TUBGCP3: variants seen among roughly 807,000 people sequenced by gnomAD.
TUBGCP3 encodes the protein tubulin gamma complex component 3.
TUBGCP3 carries 50 observed loss-of-function variants against 123.1 expected under a neutral mutation model. That is an observed-to-expected ratio of 0.41 (90% confidence interval 0.32 to 0.51). The LOEUF (loss-of-function observed/expected upper bound fraction) is 0.51, where lower values mean the gene tolerates loss of function less well. Ranked by LOEUF, TUBGCP3 falls within the 20% of genes least tolerant of loss-of-function variation. TUBGCP3 has a pLI of 0.36. For missense variants in TUBGCP3, 882 were observed against 1,127.0 expected, an observed-to-expected ratio of 0.78 and a Z score of 3.11; for synonymous variants, 405 against 413.9, an observed-to-expected ratio of 0.98 and a Z score of 0.26.
chr13:112,548,252 T>A, intron 8 of TUBGCP3, 76 bp from the exon 9 acceptor site: 1 of 1,188,486 alleles, frequency 8.4e-7, no homozygotes, highest in Non-Finnish European at 1.2e-6. Context: ...AAAGGTATAA[T>A]GCGTTTAGAT....
chr13:112,494,313 G>A (rs1031583373), intron 20 of TUBGCP3, among the ~76,000 whole-genome samples: 20 of 152,368 alleles, frequency 1.3e-4, no homozygotes, highest in Non-Finnish European at 2.2e-4. Context: ...TTCCAAAGTG[G>A]TTATTCCAGT....
At chr13:112,523,806 C>T (rs775848617) in intron 13 of TUBGCP3, among the ~76,000 whole-genome samples, 1 of 152,220 alleles carries the variant, frequency 6.6e-6, no homozygotes, top group Non-Finnish European at 1.5e-5. Context: ...TAAATTTTCA[C>T]TATTTATTCT....
intron 3 of TUBGCP3, among the ~76,000 whole-genome samples, chr13:112,563,802 A>C (rs1880722728): frequency 6.6e-6 from 1 of 151,876 alleles, no homozygotes; most frequent in Non-Finnish European, 1.5e-5. Context: ...GTGAACCCAG[A>C]AGGCAGAGCT....
chr13:112,593,399 C>CAG, the TUBGCP3 span, among the ~76,000 whole-genome samples: 1 of 151,924 alleles, frequency 6.6e-6, no homozygotes. Flanking sequence ...GCCTGGGGGA[C>CAG]AGAGAGAGAG....
At chr13:112,564,851 G>A (rs1001945634) in intron 3 of TUBGCP3, among the ~76,000 whole-genome samples, 8 of 152,136 alleles carry the variant, frequency 5.3e-5, no homozygotes, top group Admixed American at 2.6e-4. Flanking sequence ...GTAATTAAGC[G>A]ACTACAATAA....
chr13:112,487,136 C>T (rs893129707), intron 21 of TUBGCP3, among the ~76,000 whole-genome samples: 3 of 151,656 alleles, frequency 2.0e-5, no homozygotes, highest in African/African-American at 7.3e-5. Context: ...AAGAAGAACA[C>T]GCCTAAGAAG....
At chr13:112,580,296 AAC>A (rs1295415365) in intron 1 of TUBGCP3, among the ~76,000 whole-genome samples, 1 of 152,122 alleles carries the variant, frequency 6.6e-6, no homozygotes. Flanking sequence ...ACAACAAAAG[AAC>A]AGTTAGAAAT....
At chr13:112,566,932 G>A (rs188646654) in intron 2 of TUBGCP3, among the ~76,000 whole-genome samples, 1,816 of 152,222 alleles carry the variant, frequency 0.012, 22 homozygotes, top group South Asian at 0.032. Context: ...ATTTGAGGTC[G>A]GTTATATCGA....
chr13:112,539,157 C>T (rs1878297871), intron 11 of TUBGCP3, among the ~76,000 whole-genome samples: 1 of 152,228 alleles, frequency 6.6e-6, no homozygotes, highest in Non-Finnish European at 1.5e-5. Flanking sequence ...TATACACTTC[C>T]TATTGGTCTG....
intron 11 of TUBGCP3, among the ~76,000 whole-genome samples, chr13:112,532,763 C>T (rs983148097): frequency 7.2e-5 from 11 of 152,328 alleles, no homozygotes; most frequent in African/African-American, 1.2e-4. Flanking sequence ...CTTAATCATT[C>T]GGAATACCTT....
At chr13:112,546,940 G>C (rs1350117106) in intron 10 of TUBGCP3, 1 of 152,436 alleles carries the variant, frequency 6.6e-6, no homozygotes, top group Non-Finnish European at 1.5e-5. Context: ...GTGGCAGATG[G>C]CCAACTCGCC....
At chr13:112,571,658 G>A (rs1037558223) in intron 1 of TUBGCP3, among the ~76,000 whole-genome samples, 1 of 152,208 alleles carries the variant, frequency 6.6e-6, no homozygotes, top group Non-Finnish European at 1.5e-5. Flanking sequence ...CTCTAGGAAT[G>A]AAAGTTGGCA....
At chr13:112,563,675 A>G (rs1419203907) in intron 3 of TUBGCP3, among the ~76,000 whole-genome samples, 1 of 150,828 alleles carries the variant, frequency 6.6e-6, no homozygotes, top group Non-Finnish European at 1.5e-5. Flanking sequence ...CATCCTGGCT[A>G]ACACCGTGAA....
At chr13:112,527,593 A>T in intron 11 of TUBGCP3, 109 bp from the exon 12 acceptor site, 1 of 716,836 alleles carries the variant, frequency 1.4e-6, no homozygotes, top group Non-Finnish European at 2.5e-6. Context: ...TTCTCCAGAC[A>T]CAGGGAGTCT....
At chr13:112,498,654 C>A (rs1880676660) in intron 20 of TUBGCP3, among the ~76,000 whole-genome samples, 1 of 152,196 alleles carries the variant, frequency 6.6e-6, no homozygotes, top group African/African-American at 2.4e-5. Flanking sequence ...TTGAGGAGCA[C>A]CTGTAGATGC....
Position 112,508,842 on chromosome 13 carries a change from G to A in TUBGCP3, c.2087-4128C>T, listed in dbSNP as rs573854586. ...CAACCACCTCCTGGCCTCCGTACAC[G>A]CATCACCTGGTCCTGCTGGCGCCAC... On this transcript the variant is annotated intron_variant, in intron 17 of 21. Transcript: ENST00000261965. This position sits in a 1 kb window ranked among gnomAD's most constrained non-coding sequence, Gnocchi z 4.2. Among the ~76,000 whole-genome samples the A allele has an allele frequency of 3.9e-5, 6 of 152,106 alleles. No individual in the cohort carries two copies. The East Asian group carries it at 5.8e-4, about 15-fold the overall frequency.
rs959713927 is a variant in TUBGCP3 at position 112,508,984 on chromosome 13, G to A, written c.2087-4270C>T. On this transcript the variant is annotated intron_variant, in intron 17 of 21. Coordinates refer to ENST00000261965, the MANE Select transcript of TUBGCP3 (RefSeq NM_006322.6). This position sits in a 1 kb window ranked among gnomAD's most constrained non-coding sequence, Gnocchi z 4.2. Reference sequence around the variant, plus strand: ...AACTGGCTGCCCTGCTAATCACCACGGTCGCGCCCCAGGTTCATTATTCTC... The same window carrying A: ...AACTGGCTGCCCTGCTAATCACCACAGTCGCGCCCCAGGTTCATTATTCTC... Among the ~76,000 whole-genome samples, 11 of 152,168 alleles carry A rather than the reference G, an allele frequency of 7.2e-5. No homozygotes were observed. The highest frequency in any genetic ancestry group is 1.3e-4 in the Non-Finnish European group (9 of 68,040).
At chr13:112,601,309 C>T in the TUBGCP3 span, among the ~76,000 whole-genome samples, 18 of 151,948 alleles carry the variant, frequency 1.2e-4, no homozygotes, top group African/African-American at 1.9e-4. Flanking sequence ...TCATCTTGCT[C>T]GTCCTCATAT....
intron 8 of TUBGCP3, among the ~76,000 whole-genome samples, chr13:112,553,737 G>A (rs1389091138): frequency 6.6e-6 from 1 of 152,204 alleles, no homozygotes; most frequent in Admixed American, 6.5e-5. Context: ...ACCTTCTGGA[G>A]GAGGCAGCAG....
Sources: allele counts gnomAD v4.1 joint callset (sites outside exome capture counted in the v4.1 genomes callset), GRCh38; gene constraint gnomAD v4.1.1; non-coding constraint Gnocchi (gnomAD v3.1); transcripts MANE v1.5; gene names NCBI Gene and HGNC (gene_info 2026-07-23, HGNC 2026-07-21).